Variants in CLSTN2 observed in about 807,000 individuals in gnomAD.
CLSTN2 encodes calsyntenin-2.
In CLSTN2, 48 loss-of-function variants were observed where a neutral mutation model predicts 101.2. The observed-to-expected ratio is 0.47, with a 90% confidence interval of 0.38 to 0.60. The LOEUF (loss-of-function observed/expected upper bound fraction) is 0.60. Among genes scored for constraint, CLSTN2 ranks in the 20% least tolerant of loss-of-function variants. The pLI is 0.00. For synonymous variants in CLSTN2, 481 were observed against 463.6 expected, an observed-to-expected ratio of 1.04 and a Z score of -0.48; for missense variants, 1,160 against 1,238.2, an observed-to-expected ratio of 0.94 and a Z score of 0.95.
At chr3:140,387,538 T>C (rs940463460) in intron 2 of CLSTN2, among the ~76,000 whole-genome samples, 4 of 152,176 alleles carry the variant, frequency 2.6e-5, no homozygotes, top group African/African-American at 9.7e-5. Flanking sequence ...GATAAAAAAT[T>C]TGGCTCATTC....
chr3:140,173,780 A>G (rs963761037), intron 1 of CLSTN2, among the ~76,000 whole-genome samples: 17 of 152,150 alleles, frequency 1.1e-4, no homozygotes, highest in Non-Finnish European at 2.2e-4. Context: ...CCTGAGCTCT[A>G]TGTTGGCCCC....
At chr3:140,106,538 T>C (rs78202086) in intron 1 of CLSTN2, among the ~76,000 whole-genome samples, 4,790 of 152,270 alleles carry the variant, frequency 0.031, 237 homozygotes, top group African/African-American at 0.11. Context: ...GGGTGAGCAC[T>C]GCTCACAGCT....
Position 140,574,312 on chromosome 3 carries a change from T to C in CLSTN2, c.*8059T>C, listed in dbSNP as rs1278421888. 1.3e-5 allele frequency: 2 copies of C among 151,830 alleles called. No homozygotes were observed. Among genetic ancestry groups the C allele is most frequent in the Non-Finnish European group, 2.9e-5 (2 of 67,952 alleles). 9.4% of individuals were successfully genotyped at this position (151,830 alleles called of 1,614,324 possible). On this transcript the variant is annotated 3_prime_UTR_variant, in exon 17 of 17. Transcript: ENST00000458420. ...TGATGCACGTGGGAGAAAACAGGAG[T>C]GGGGTTGTTTGGGGACTACCCCTTC... is the stretch of plus-strand genomic sequence containing the variant.
chr3:140,411,367 A>T (rs1028995740), intron 4 of CLSTN2, among the ~76,000 whole-genome samples: 22 of 152,394 alleles, frequency 1.4e-4, no homozygotes, highest in African/African-American at 4.8e-4. Flanking sequence ...TAAATTCATC[A>T]AGAAGATACA....
At chr3:140,210,528 G>A (rs898134798) in intron 2 of CLSTN2, among the ~76,000 whole-genome samples, 1 of 152,190 alleles carries the variant, frequency 6.6e-6, no homozygotes, top group African/African-American at 2.4e-5. Flanking sequence ...TCTCAAATTT[G>A]AGAGCAATTT....
intron 2 of CLSTN2, among the ~76,000 whole-genome samples, chr3:140,399,177 T>C (rs2088215025): frequency 6.6e-6 from 1 of 152,194 alleles, no homozygotes; most frequent in South Asian, 2.1e-4. Context: ...CAAAAGCATA[T>C]TGGAGGGCAA....
chr3:140,326,975 C>T (rs1375520903), intron 2 of CLSTN2, among the ~76,000 whole-genome samples: 1 of 151,744 alleles, frequency 6.6e-6, no homozygotes, highest in Non-Finnish European at 1.5e-5. Context: ...TGAAGAATAA[C>T]TGAAAAAAAG....
At chr3:140,494,263 C>T (rs762080233) in intron 8 of CLSTN2, among the ~76,000 whole-genome samples, 1 of 152,066 alleles carries the variant, frequency 6.6e-6, no homozygotes, top group Non-Finnish European at 1.5e-5. Flanking sequence ...TCTGCATTCC[C>T]AAAAAGCAAA....
intron 11 of CLSTN2, 33 bp from the exon 12 acceptor site, chr3:140,558,607 T>G: frequency 6.4e-7 from 1 of 1,566,162 alleles, no homozygotes; most frequent in East Asian, 2.3e-5. Flanking sequence ...AATTGTTTGC[T>G]CATCAGTGCC....
At chr3:140,263,516 G>T (rs1284857328) in intron 2 of CLSTN2, among the ~76,000 whole-genome samples, 1 of 152,180 alleles carries the variant, frequency 6.6e-6, no homozygotes, top group African/African-American at 2.4e-5. Flanking sequence ...TTTGGGCAAT[G>T]AAGTCTTTGT....
chr3:140,452,108 G>A (rs1478123491), intron 6 of CLSTN2, among the ~76,000 whole-genome samples: 1 of 152,140 alleles, frequency 6.6e-6, no homozygotes. Context: ...GCCAACCAGA[G>A]CCAGGTATCC....
intron 1 of CLSTN2, among the ~76,000 whole-genome samples, chr3:140,088,504 A>G (rs2008716135): frequency 6.8e-6 from 1 of 147,624 alleles, no homozygotes; most frequent in African/African-American, 2.5e-5. Flanking sequence ...CCCATTTCAC[A>G]TTTATGGCCA....
At chr3:140,054,967 T>C (rs2008072411) in intron 1 of CLSTN2, among the ~76,000 whole-genome samples, 1 of 152,210 alleles carries the variant, frequency 6.6e-6, no homozygotes, top group Admixed American at 6.5e-5. Flanking sequence ...CCTGACTATT[T>C]ATGGAATACA....
chr3:140,369,602 A>G (rs1048665762), intron 2 of CLSTN2, among the ~76,000 whole-genome samples: 2 of 152,140 alleles, frequency 1.3e-5, no homozygotes, highest in Admixed American at 1.3e-4. Flanking sequence ...ATATGCCAAC[A>G]TGGTCCTTTC....
intron 2 of CLSTN2, among the ~76,000 whole-genome samples, chr3:140,386,697 T>G (rs771975483): frequency 6.6e-6 from 1 of 152,104 alleles, no homozygotes; most frequent in Non-Finnish European, 1.5e-5. Context: ...ATCTGCAAGA[T>G]GGACAGCTCT....
chr3:140,250,288 A>C (rs1052187252), intron 2 of CLSTN2, among the ~76,000 whole-genome samples: 1 of 152,218 alleles, frequency 6.6e-6, no homozygotes, highest in Admixed American at 6.5e-5. Context: ...GGAATAGAGT[A>C]AACCGGATAT....
At chr3:140,084,496 T>C (rs2008648899) in intron 1 of CLSTN2, among the ~76,000 whole-genome samples, 1 of 152,192 alleles carries the variant, frequency 6.6e-6, no homozygotes, top group Non-Finnish European at 1.5e-5. Context: ...AAATGTATGA[T>C]AGCTGACTGA....
chr3:140,289,727 C>G (rs1044390425), intron 2 of CLSTN2, among the ~76,000 whole-genome samples: 3 of 152,016 alleles, frequency 2.0e-5, no homozygotes, highest in African/African-American at 7.3e-5. Flanking sequence ...TATGAGGGCT[C>G]AGAGTTCAGT....
chr3:140,012,457 G>A (rs1432048362), intron 1 of CLSTN2, among the ~76,000 whole-genome samples: 1 of 152,116 alleles, frequency 6.6e-6, no homozygotes, highest in Admixed American at 6.5e-5. Context: ...TCCTGCCTTC[G>A]ACTCTTAGCC....
Sources: gnomAD v4.1 joint callset for allele counts (sites outside exome capture counted in the v4.1 genomes callset) on GRCh38, gnomAD v4.1.1 for gene constraint, MANE v1.5 for transcripts, NCBI Gene and HGNC (gene_info 2026-07-23, HGNC 2026-07-21) for gene names.